MDGA2: variants seen among roughly 807,000 people sequenced by gnomAD.
MDGA2 encodes the protein MAM domain containing glycosylphosphatidylinositol anchor 2.
In MDGA2, 40 loss-of-function variants were observed where a neutral mutation model predicts 117.8. The ratio of observed to expected loss-of-function variants is 0.34; its 90% CI spans 0.26 to 0.44. MDGA2 has a LOEUF of 0.44. MDGA2 is among the 20% of genes least tolerant of loss of function. MDGA2 has a pLI of 1.00. For synonymous variants in MDGA2, 452 were observed against 439.0 expected, an observed-to-expected ratio of 1.03 and a Z score of -0.37; for missense variants, 1,123 against 1,250.6, an observed-to-expected ratio of 0.90 and a Z score of 1.54.
chr14:47,616,141 C>A (rs151102772), intron 1 of MDGA2, among the ~76,000 whole-genome samples: 83 of 152,244 alleles, frequency 5.5e-4, no homozygotes, highest in African/African-American at 1.9e-3. Context: ...ACATTTGACT[C>A]TGAATTTTGA....
Position 47,632,582 on chromosome 14 carries a change from G to A in MDGA2, c.280+41935C>T, listed in dbSNP as rs539809754. Among the ~76,000 whole-genome samples the A allele has an allele frequency of 2.6e-5, 4 of 152,180 alleles. No homozygotes were observed. The South Asian group carries it at 8.3e-4, about 32-fold the overall frequency. On this transcript the variant is annotated intron_variant, in intron 1 of 16. Coordinates refer to ENST00000399232, the MANE Select transcript of MDGA2 (RefSeq NM_001113498.3). ...TTCCCTCAGAATAAAGTTCAAACTT[G>A]TTATCTTAAAAGATCCTTCATGAAC...
At chr14:47,196,384 G>T (rs1434955943) in intron 3 of MDGA2, among the ~76,000 whole-genome samples, 1 of 152,074 alleles carries the variant, frequency 6.6e-6, no homozygotes, top group Non-Finnish European at 1.5e-5. Context: ...AAGATGCAGA[G>T]GTTTTAAATA....
At chr14:47,346,165 T>C (rs1223118640) in intron 1 of MDGA2, among the ~76,000 whole-genome samples, 1 of 152,166 alleles carries the variant, frequency 6.6e-6, no homozygotes, top group Non-Finnish European at 1.5e-5. Flanking sequence ...TGATCACTAT[T>C]ATATGTATTG....
chr14:47,306,137 A>C (rs1487752472), intron 1 of MDGA2: 1 of 152,172 alleles, frequency 6.6e-6, no homozygotes, highest in Non-Finnish European at 1.5e-5. Context: ...GAGACACTGG[A>C]GAGGCCTGGG....
At chr14:47,235,739 T>C (rs78661824) in intron 2 of MDGA2, among the ~76,000 whole-genome samples, 3,471 of 152,270 alleles carry the variant, frequency 0.023, 124 homozygotes, top group African/African-American at 0.077. Flanking sequence ...AGGGAAAACA[T>C]ACTTCCATTG....
chr14:47,094,775 A>G (rs1879866026), intron 6 of MDGA2, among the ~76,000 whole-genome samples: 3 of 143,876 alleles, frequency 2.1e-5, no homozygotes. Flanking sequence ...GCCTACTTAG[A>G]AAAGCAAGTA....
chr14:47,494,673 T>C (rs1894241826), intron 1 of MDGA2, among the ~76,000 whole-genome samples: 1 of 152,072 alleles, frequency 6.6e-6, no homozygotes, highest in Admixed American at 6.6e-5. Context: ...CATCTAGTTT[T>C]TTAATCCAAC....
chr14:46,916,620 A>G (rs1883909388), intron 10 of MDGA2, among the ~76,000 whole-genome samples: 1 of 152,144 alleles, frequency 6.6e-6, no homozygotes, highest in South Asian at 2.1e-4. Flanking sequence ...GTTTTATGCA[A>G]GAGTTCAGTG....
intron 6 of MDGA2, among the ~76,000 whole-genome samples, chr14:47,076,550 AGT>A (rs1322797862): frequency 2.0e-5 from 2 of 101,212 alleles, no homozygotes; most frequent in Non-Finnish European, 3.8e-5. Flanking sequence ...GTTATGTATG[AGT>A]GTGTGTTATG....
chr14:47,006,874 A>G (rs1326078594), intron 8 of MDGA2, among the ~76,000 whole-genome samples: 1 of 151,738 alleles, frequency 6.6e-6, no homozygotes, highest in African/African-American at 2.4e-5. Context: ...ACAGAAAAGT[A>G]TGCATTATTC....
intron 8 of MDGA2, among the ~76,000 whole-genome samples, chr14:46,976,788 G>T (rs1886477595): frequency 6.6e-6 from 1 of 151,590 alleles, no homozygotes; most frequent in African/African-American, 2.4e-5. Context: ...AATTCTTCTA[G>T]AATTGAGTCT....
At chr14:47,081,589 T>C (rs80304599) in intron 6 of MDGA2, among the ~76,000 whole-genome samples, 2 of 152,254 alleles carry the variant, frequency 1.3e-5, no homozygotes, top group East Asian at 3.9e-4. Flanking sequence ...GAAAATACTA[T>C]TATGAGCTTA....
rs537368049 is a variant in MDGA2, at chr14:47,418,331, C to T, written c.281-116781G>A. Among the ~76,000 whole-genome samples, 16 of 152,140 alleles carry T rather than the reference C, an allele frequency of 1.1e-4. No individual in the cohort carries two copies. In the South Asian group the frequency reaches 3.3e-3, roughly 31 times the overall value. On this transcript the variant is annotated intron_variant, in intron 1 of 16. Coordinates refer to ENST00000399232, the MANE Select transcript of MDGA2 (RefSeq NM_001113498.3). Reference sequence around the variant, plus strand: ...GAACTCCTGACCTCAAATGATCTGCCCGCCTTGGCCTCCCAAAATGCTGGG... The same window carrying T: ...GAACTCCTGACCTCAAATGATCTGCTCGCCTTGGCCTCCCAAAATGCTGGG...
At chr14:47,238,608 T>C (rs1041701421) in intron 2 of MDGA2, among the ~76,000 whole-genome samples, 1 of 151,696 alleles carries the variant, frequency 6.6e-6, no homozygotes, top group Non-Finnish European at 1.5e-5. Context: ...AATGTTTGTG[T>C]TATAAATTAC....
At chr14:47,457,833 ATTTG>A (rs1223718171) in intron 1 of MDGA2, among the ~76,000 whole-genome samples, 10 of 114,846 alleles carry the variant, frequency 8.7e-5, no homozygotes, top group East Asian at 5.0e-4. Flanking sequence ...TTGTTTGTTT[ATTTG>A]TTTGTTTAAC....
chr14:46,909,199 C>G (rs1042718999), intron 10 of MDGA2, among the ~76,000 whole-genome samples: 3 of 152,064 alleles, frequency 2.0e-5, no homozygotes, highest in African/African-American at 7.2e-5. Context: ...AATCTTTATT[C>G]TTATTCCTTT....
chr14:47,377,181 G>A (rs2138407618), intron 1 of MDGA2, among the ~76,000 whole-genome samples: 1 of 152,280 alleles, frequency 6.6e-6, no homozygotes, highest in South Asian at 2.1e-4. Context: ...ATAATCCATT[G>A]ATGAAACAGA....
rs35221831 is a variant in MDGA2, at chr14:47,128,698, C to CT, written c.925+3015dup. On this transcript the variant is annotated intron_variant, in intron 5 of 16. Coordinates refer to ENST00000399232, the MANE Select transcript of MDGA2 (RefSeq NM_001113498.3). ...TTTTTCTGCAACATAATTTCCATCA[C>CT]TTTTTTTTTTTTTTTTGAGACAGTC... Among the ~76,000 whole-genome samples the CT allele has an allele frequency of 7.8e-3, 1,073 of 138,018 alleles. 10 individuals are homozygous for CT. Among genetic ancestry groups the CT allele is most frequent in the African/African-American group, 0.013 (495 of 37,688 alleles). 90.5% of individuals were successfully genotyped at this position (138,018 alleles called of 152,430 possible).
intron 1 of MDGA2, among the ~76,000 whole-genome samples, chr14:47,669,234 A>G (rs1898031414): frequency 6.6e-6 from 1 of 152,222 alleles, no homozygotes; most frequent in Admixed American, 6.5e-5. Flanking sequence ...TTGGCAAAAT[A>G]TAAGTATAAA....
Sources: gnomAD v4.1 joint callset for allele counts (sites outside exome capture counted in the v4.1 genomes callset) on GRCh38, gnomAD v4.1.1 for gene constraint, MANE v1.5 for transcripts, NCBI Gene and HGNC (gene_info 2026-07-23, HGNC 2026-07-21) for gene names.